DLG2: variants seen among roughly 807,000 people sequenced by gnomAD.
DLG2 encodes the protein disks large homolog 2.
Under a neutral mutation model 132.5 loss-of-function variants are expected in DLG2, and 45 were observed. The ratio of observed to expected loss-of-function variants is 0.34; its 90% CI spans 0.27 to 0.44. The LOEUF is 0.44. DLG2 is among the 20% of genes least tolerant of loss of function. The pLI, the probability that DLG2 is intolerant of heterozygous loss-of-function variation, is 1.00. For synonymous variants in DLG2, 424 were observed against 419.6 expected, an observed-to-expected ratio of 1.01 and a Z score of -0.13; for missense variants, 1,045 against 1,196.9, an observed-to-expected ratio of 0.87 and a Z score of 1.87.
chr11:85,261,142 C>A (rs1452139958), intron 4 of DLG2, among the ~76,000 whole-genome samples: 1 of 152,062 alleles, frequency 6.6e-6, no homozygotes, highest in Non-Finnish European at 1.5e-5. Flanking sequence ...ACAGACAGCA[C>A]AGCAGAGAAG....
chr11:85,218,809 T>C (rs1246881262), intron 4 of DLG2, among the ~76,000 whole-genome samples: 1 of 152,034 alleles, frequency 6.6e-6, no homozygotes, highest in Non-Finnish European at 1.5e-5. Context: ...AAATACGAAA[T>C]CAACCCAGGT....
chr11:85,082,805 A>G (rs1256976925), intron 6 of DLG2, among the ~76,000 whole-genome samples: 1 of 137,856 alleles, frequency 7.3e-6, no homozygotes, highest in Non-Finnish European at 1.5e-5. Flanking sequence ...CCCACAATTT[A>G]GAATTCTTAT....
intron 4 of DLG2, among the ~76,000 whole-genome samples, chr11:85,193,281 A>T (rs1373435133): frequency 6.6e-6 from 1 of 152,196 alleles, no homozygotes; most frequent in Non-Finnish European, 1.5e-5. Flanking sequence ...ATACTCCCTT[A>T]TACAGATTCT....
intron 18 of DLG2, among the ~76,000 whole-genome samples, chr11:83,741,860 A>T (rs2153720117): frequency 6.6e-6 from 1 of 152,024 alleles, no homozygotes. Flanking sequence ...AAAAAAATGC[A>T]AAAAATTAGC....
chr11:85,239,433 A>G, intron 4 of DLG2, among the ~76,000 whole-genome samples: 1 of 152,100 alleles, frequency 6.6e-6, no homozygotes. Context: ...ACTAGTATCT[A>G]CATATACTTT....
chr11:84,927,580 C>A (rs1033360265), intron 6 of DLG2, among the ~76,000 whole-genome samples: 3 of 152,000 alleles, frequency 2.0e-5, no homozygotes, highest in Admixed American at 1.3e-4. Context: ...CGATCTGTCA[C>A]AACTACTCCA....
At chr11:84,323,899 T>A (rs1283295957) in intron 7 of DLG2, among the ~76,000 whole-genome samples, 1 of 152,050 alleles carries the variant, frequency 6.6e-6, no homozygotes, top group African/African-American at 2.4e-5. Context: ...CCATTTTTAA[T>A]CAGATTATTT....
chr11:85,195,303 T>C (rs541720463), intron 4 of DLG2, among the ~76,000 whole-genome samples: 1 of 152,044 alleles, frequency 6.6e-6, no homozygotes, highest in Non-Finnish European at 1.5e-5. Flanking sequence ...GTGACTATAT[T>C]TTTCAACAGA....
intron 4 of DLG2, among the ~76,000 whole-genome samples, chr11:85,243,395 T>C (rs60507485): frequency 0.013 from 1,915 of 152,142 alleles, 30 homozygotes; most frequent in African/African-American, 0.042. Flanking sequence ...GCATCTGGCA[T>C]GTAGCTGACA....
intron 15 of DLG2, among the ~76,000 whole-genome samples, chr11:83,909,776 C>A (rs999626871): frequency 1.3e-5 from 2 of 152,068 alleles, no homozygotes; most frequent in African/African-American, 2.4e-5. Context: ...GGACTTTGAT[C>A]CCTGGAGACA....
intron 6 of DLG2, among the ~76,000 whole-genome samples, chr11:85,056,446 T>C (rs1451555282): frequency 1.3e-5 from 2 of 152,024 alleles, no homozygotes; most frequent in African/African-American, 4.8e-5. Flanking sequence ...AGAAGAAATG[T>C]TAATTAATAG....
chr11:83,620,839 C>T (rs2061511552), intron 19 of DLG2, among the ~76,000 whole-genome samples: 1 of 122,968 alleles, frequency 8.1e-6, no homozygotes, highest in Admixed American at 9.8e-5. Context: ...CACTGCACTC[C>T]AGCCTGGGCG....
intron 6 of DLG2, among the ~76,000 whole-genome samples, chr11:84,813,791 G>C (rs1224982307): frequency 6.6e-6 from 1 of 151,886 alleles, no homozygotes; most frequent in East Asian, 1.9e-4. Flanking sequence ...CTTCTCTAAT[G>C]GTGATTACAA....
rs1019424560 is a variant in DLG2, at chr11:85,557,209, C to T, written c.40+41448G>A. Among the ~76,000 whole-genome samples, 17 of 151,678 alleles carry T rather than the reference C, an allele frequency of 1.1e-4. 1 individual carries two copies. The highest frequency in any genetic ancestry group is 3.6e-4 in the African/African-American group (15 of 41,370). Reference sequence around the variant, plus strand: ...AACTCATTCCCCTTTACAATAACCACACTACACATACATAAAATACCTAAG... The same window carrying T: ...AACTCATTCCCCTTTACAATAACCATACTACACATACATAAAATACCTAAG... On this transcript the variant is annotated intron_variant, in intron 3 of 27. Coordinates refer to ENST00000376104, the MANE Select transcript of DLG2 (RefSeq NM_001142699.3).
chr11:83,666,113 T>C (rs2075484807), intron 18 of DLG2, among the ~76,000 whole-genome samples: 1 of 152,254 alleles, frequency 6.6e-6, no homozygotes, highest in Non-Finnish European at 1.5e-5. Context: ...TAGTTTTTTA[T>C]ACAGAACTAT....
intron 6 of DLG2, among the ~76,000 whole-genome samples, chr11:84,996,314 T>C (rs1377820675): frequency 6.6e-6 from 1 of 152,108 alleles, no homozygotes; most frequent in Non-Finnish European, 1.5e-5. Flanking sequence ...TCCTCTTTTT[T>C]CCTCTCTCCC....
rs541979931 is a variant in DLG2, at chr11:84,556,632, C to T, written c.358-21901G>A. ...CCTGGGCCACATGTGACCCACAGGCCGCAGGTTGGACAAGCTGGGTTAGAG... is the reference window on the plus strand; with the variant it reads ...CCTGGGCCACATGTGACCCACAGGCTGCAGGTTGGACAAGCTGGGTTAGAG... On this transcript the variant is annotated intron_variant, in intron 6 of 27. Coordinates refer to ENST00000376104, the MANE Select transcript of DLG2 (RefSeq NM_001142699.3). Among the ~76,000 whole-genome samples, 7 of 152,254 alleles carry T rather than the reference C, an allele frequency of 4.6e-5. No individual in the cohort carries two copies. The East Asian group carries it at 1.4e-3, about 29-fold the overall frequency.
At chr11:84,844,129 GTGTGTGTATATA>G (rs1381278324) in intron 6 of DLG2, among the ~76,000 whole-genome samples, 3 of 25,910 alleles carry the variant, frequency 1.2e-4, no homozygotes, top group African/African-American at 2.2e-4. Flanking sequence ...GTGTGTGTGT[GTGTGTGTATATA>G]TATATATATA....
At chr11:84,502,481 C>T (rs771816876) in intron 7 of DLG2, among the ~76,000 whole-genome samples, 21 of 149,158 alleles carry the variant, frequency 1.4e-4, no homozygotes, top group Non-Finnish European at 2.8e-4. Context: ...CTGCAGCCTC[C>T]ATCTCCCAGG....
Sources: gnomAD v4.1 joint callset for allele counts (sites outside exome capture counted in the v4.1 genomes callset) on GRCh38, gnomAD v4.1.1 for gene constraint, MANE v1.5 for transcripts, NCBI Gene and HGNC (gene_info 2026-07-23, HGNC 2026-07-21) for gene names.